The following RERE variants were observed in gnomAD, a reference collection of about 807,000 sequenced individuals.
RERE encodes the protein arginine-glutamic acid dipeptide repeats protein.
Under a neutral mutation model 146.1 loss-of-function variants are expected in RERE, and 40 were observed. The ratio of observed to expected loss-of-function variants is 0.27; its 90% CI spans 0.21 to 0.36. The LOEUF (loss-of-function observed/expected upper bound fraction) is 0.36, where lower values mean the gene tolerates loss of function less well. Among genes scored for constraint, RERE ranks in the 10% least tolerant of loss-of-function variants. The pLI is 1.00. For synonymous variants in RERE, 1,003 were observed against 866.0 expected, an observed-to-expected ratio of 1.16 and a Z score of -2.78; for missense variants, 1,933 against 2,138.7, an observed-to-expected ratio of 0.90 and a Z score of 1.90.
At chr1:8,567,737 A>G (rs1646169253) in intron 4 of RERE, among the ~76,000 whole-genome samples, 1 of 152,246 alleles carries the variant, frequency 6.6e-6, no homozygotes, top group African/African-American at 2.4e-5. Flanking sequence ...AACTAAGCAC[A>G]GGTAAAACCT....
intron 12 of RERE, among the ~76,000 whole-genome samples, chr1:8,406,092 A>G (rs1643429944): frequency 2.0e-5 from 3 of 151,750 alleles, no homozygotes; most frequent in Admixed American, 2.0e-4. Context: ...GAGTCAATCC[A>G]CCAGATTAAT....
intron 12 of RERE, chr1:8,380,871 C>T (rs1642422571): frequency 2.2e-6 from 1 of 456,626 alleles, no homozygotes; most frequent in African/African-American, 2.0e-5. Context: ...AGTCCTGGTC[C>T]TGAAAGTGCT....
At chr1:8,581,070 A>G (rs1646358739) in intron 4 of RERE, among the ~76,000 whole-genome samples, 1 of 152,174 alleles carries the variant, frequency 6.6e-6, no homozygotes, top group African/African-American at 2.4e-5. Context: ...GAAATTGTCA[A>G]ACTATTCAAG....
chr1:8,755,733 G>A (rs748045387), intron 1 of RERE, among the ~76,000 whole-genome samples: 1 of 152,116 alleles, frequency 6.6e-6, no homozygotes, highest in Non-Finnish European at 1.5e-5. Flanking sequence ...AAACTGTATT[G>A]TCAGAATCTG....
chr1:8,597,076 T>A (rs1646563431), intron 4 of RERE, among the ~76,000 whole-genome samples: 1 of 149,314 alleles, frequency 6.7e-6, no homozygotes, highest in African/African-American at 2.5e-5. Flanking sequence ...ATCATTTAAT[T>A]TGTACTGATG....
intron 4 of RERE, among the ~76,000 whole-genome samples, chr1:8,581,172 T>G (rs995108091): frequency 6.6e-6 from 1 of 152,230 alleles, no homozygotes; most frequent in Non-Finnish European, 1.5e-5. Flanking sequence ...TCTCTTCAAT[T>G]TAGCCATTCT....
At chr1:8,772,031 C>A (rs1239823171) in intron 1 of RERE, among the ~76,000 whole-genome samples, 2 of 151,848 alleles carry the variant, frequency 1.3e-5, no homozygotes, top group African/African-American at 4.8e-5. Flanking sequence ...TATGTACTGT[C>A]ACATGTACAT....
Position 8,400,239 on chromosome 1 carries a change from T to TGTGTGTGTGC in RERE, c.1284+22487_1284+22488insGCACACACAC, listed in dbSNP as rs1643204336. On this transcript the variant is annotated intron_variant, in intron 12 of 22. Coordinates refer to ENST00000400908, the MANE Select transcript of RERE (RefSeq NM_001042681.2). ...TGTGTCATATGTGTGTGTGTGTGTG[T>TGTGTGTGTGC]GTGTGTGTGTGTGTGTACATATATA... Among the ~76,000 whole-genome samples the TGTGTGTGTGC allele has an allele frequency of 4.6e-5, 7 of 151,754 alleles. No individual in the cohort carries two copies. The South Asian group carries it at 1.5e-3, about 32-fold the overall frequency.
chr1:8,692,678 A>G (rs1405231675), intron 1 of RERE, among the ~76,000 whole-genome samples: 1 of 152,170 alleles, frequency 6.6e-6, no homozygotes, highest in African/African-American at 2.4e-5. Flanking sequence ...TCTCTAGATT[A>G]CGTATAATAC....
intron 1 of RERE, among the ~76,000 whole-genome samples, chr1:8,733,529 G>A (rs534503090): frequency 6.6e-6 from 1 of 152,330 alleles, no homozygotes; most frequent in Non-Finnish European, 1.5e-5. Flanking sequence ...GCCAGGTGCA[G>A]TATCATGAAG....
At chr1:8,376,251 C>T (rs976505789) in intron 12 of RERE, among the ~76,000 whole-genome samples, 1 of 152,292 alleles carries the variant, frequency 6.6e-6, no homozygotes. Flanking sequence ...TCTTAATCTT[C>T]ATACCTGGAC....
intron 1 of RERE, among the ~76,000 whole-genome samples, chr1:8,666,636 G>T (rs1557468263): frequency 6.6e-6 from 1 of 152,224 alleles, no homozygotes; most frequent in Non-Finnish European, 1.5e-5. Flanking sequence ...AAGAAGTAAG[G>T]CATTCTCATA....
At position 8,512,071 on chromosome 1, in the gene RERE, G is replaced by A. The variant is rs577436828; in HGVS notation, c.831-3396C>T. 7.3e-5 allele frequency among the ~76,000 whole-genome samples: 8 copies of A among 109,318 alleles called. No homozygotes were observed. The East Asian group carries it at 2.1e-3, about 28-fold the overall frequency. The allele number at this position is 109,318 out of a possible 152,430, so 71.7% of individuals were successfully genotyped here. A position where few individuals can be genotyped will look rare whatever the true frequency, so the allele number is the denominator to read the frequency against. On this transcript the variant is annotated intron_variant, in intron 7 of 22. Transcript: ENST00000400908. ...AGACGGAGTCTCGCTCTGTCGCCCA[G>A]GCCGGACTGCAGACTGCAGTGGCGC...
intron 9 of RERE, 108 bp downstream of exon 9, chr1:8,497,297 G>A (rs1645058321): frequency 2.5e-6 from 3 of 1,208,892 alleles, no homozygotes; most frequent in South Asian, 1.6e-5. Flanking sequence ...TAAAGTCAGA[G>A]AACGCCCAAT....
intron 1 of RERE, among the ~76,000 whole-genome samples, chr1:8,815,975 T>C (rs1641904453): frequency 6.6e-6 from 1 of 152,102 alleles, no homozygotes; most frequent in Admixed American, 6.6e-5. Flanking sequence ...AACTGGTTGA[T>C]AATTTACAGT....
chr1:8,496,347 C>T (rs895679552), intron 9 of RERE, among the ~76,000 whole-genome samples: 2 of 151,878 alleles, frequency 1.3e-5, no homozygotes, highest in African/African-American at 4.8e-5. Flanking sequence ...CATGGTGCCA[C>T]GGGTCTATAA....
chr1:8,531,259 G>A (rs911919422), intron 7 of RERE, among the ~76,000 whole-genome samples: 8 of 151,934 alleles, frequency 5.3e-5, no homozygotes, highest in African/African-American at 1.9e-4. Flanking sequence ...CCTGGCCAAT[G>A]GGGTGAAACC....
At chr1:8,777,871 A>G (rs1641097854) in intron 1 of RERE, among the ~76,000 whole-genome samples, 1 of 148,166 alleles carries the variant, frequency 6.7e-6, no homozygotes, top group Non-Finnish European at 1.5e-5. Flanking sequence ...TATATGGTAT[A>G]AAAATAAAAG....
intron 2 of RERE, among the ~76,000 whole-genome samples, chr1:8,630,290 C>T (rs115797642): frequency 0.015 from 2,309 of 152,182 alleles, 60 homozygotes; most frequent in African/African-American, 0.053. Context: ...TCTCCCAAAC[C>T]ATAAAACAGC....
Sources: gnomAD v4.1 joint callset for allele counts (sites outside exome capture counted in the v4.1 genomes callset) on GRCh38, gnomAD v4.1.1 for gene constraint, MANE v1.5 for transcripts, NCBI Gene and HGNC (gene_info 2026-07-23, HGNC 2026-07-21) for gene names.